ST6GALNAC5: variants seen among roughly 807,000 people sequenced by gnomAD.
The protein encoded by ST6GALNAC5 is alpha-N-acetylgalactosaminide alpha-2,6-sialyltransferase 5.
A neutral mutation model predicts 33.6 loss-of-function variants in ST6GALNAC5; 27 were observed. That is an observed-to-expected ratio of 0.80 (90% CI 0.59 to 1.11). The LOEUF is 1.11. ST6GALNAC5 is among the 50% of genes least tolerant of loss of function. The pLI, the probability that ST6GALNAC5 is intolerant of heterozygous loss-of-function variation, is 0.00. For missense variants in ST6GALNAC5, 428 were observed against 454.0 expected (o/e 0.94, Z 0.52); for synonymous variants, 194 against 171.2 (o/e 1.13, Z -1.04).
At chr1:76,928,424 C>A (rs528982748) in intron 2 of ST6GALNAC5, among the ~76,000 whole-genome samples, 96 of 152,094 alleles carry the variant, frequency 6.3e-4, no homozygotes, top group Non-Finnish European at 9.1e-4. Context: ...TCAGCTGTGT[C>A]ACAAGTCCTT....
intron 4 of ST6GALNAC5, 35 bp downstream of exon 4, chr1:77,050,400 G>T: frequency 6.3e-7 from 1 of 1,578,252 alleles, no homozygotes; most frequent in Non-Finnish European, 8.7e-7. Flanking sequence ...ATCATCAGCC[G>T]TGTTGTGCAG....
chr1:76,973,904 G>C (rs1648872231), intron 2 of ST6GALNAC5, among the ~76,000 whole-genome samples: 1 of 102,142 alleles, frequency 9.8e-6, no homozygotes, highest in Admixed American at 1.0e-4. Context: ...TTTATGTTCT[G>C]TTTGGATTAT....
At chr1:77,058,160 T>C (rs1652461184) in intron 4 of ST6GALNAC5, among the ~76,000 whole-genome samples, 1 of 152,192 alleles carries the variant, frequency 6.6e-6, no homozygotes, top group Non-Finnish European at 1.5e-5. Flanking sequence ...CTCTTAAGAG[T>C]ACAGAGTCAA....
At chr1:76,909,251 T>C (rs932882969) in intron 2 of ST6GALNAC5, among the ~76,000 whole-genome samples, 1 of 152,142 alleles carries the variant, frequency 6.6e-6, no homozygotes, top group African/African-American at 2.4e-5. Flanking sequence ...TAAATGTTTA[T>C]ATAAATGCTT....
chr1:76,876,707 C>A (rs1348210538), intron 2 of ST6GALNAC5, among the ~76,000 whole-genome samples: 1 of 152,198 alleles, frequency 6.6e-6, no homozygotes, highest in Non-Finnish European at 1.5e-5. Flanking sequence ...CAAAGTTCTG[C>A]CCACTGCGAA....
At chr1:76,913,932 A>G (rs1233202941) in intron 2 of ST6GALNAC5, among the ~76,000 whole-genome samples, 1 of 152,200 alleles carries the variant, frequency 6.6e-6, no homozygotes, top group Non-Finnish European at 1.5e-5. Flanking sequence ...ATGATTGTAT[A>G]TTTAGAAAAC....
In ST6GALNAC5 at chr1:76,966,280, G is replaced by A. The variant is rs1011494037; in HGVS notation, c.262-77924G>A. Among the ~76,000 whole-genome samples, 12 of 151,958 alleles carry A rather than the reference G, an allele frequency of 7.9e-5. No individual in the cohort carries two copies. In the East Asian group the frequency reaches 1.4e-3, roughly 17 times the overall value. On this transcript the variant is annotated intron_variant, in intron 2 of 4. Transcript: ENST00000477717. ...GTTTGTGTCCTCTTTTATTTCGTTG[G>A]GAAGTGGTTTGTAGTTCTCCTTGAA...
chr1:76,988,376 C>T (rs1649593417), intron 2 of ST6GALNAC5, among the ~76,000 whole-genome samples: 1 of 151,892 alleles, frequency 6.6e-6, no homozygotes, highest in Non-Finnish European at 1.5e-5. Context: ...TTTGTTTTCT[C>T]TGTGAAGTTA....
chr1:76,980,961 A>T (rs972833872), intron 2 of ST6GALNAC5, among the ~76,000 whole-genome samples: 13 of 152,228 alleles, frequency 8.5e-5, no homozygotes, highest in African/African-American at 3.1e-4. Flanking sequence ...AATTTTAACA[A>T]GTCATATATG....
intron 2 of ST6GALNAC5, among the ~76,000 whole-genome samples, chr1:77,021,872 G>T (rs1009624688): frequency 6.6e-6 from 1 of 152,120 alleles, no homozygotes; most frequent in African/African-American, 2.4e-5. Flanking sequence ...AATTTACAAG[G>T]TTGCACCTCA....
At chr1:76,972,383 A>T (rs1648796466) in intron 2 of ST6GALNAC5, among the ~76,000 whole-genome samples, 1 of 152,112 alleles carries the variant, frequency 6.6e-6, no homozygotes, top group Non-Finnish European at 1.5e-5. Context: ...TTGTGTGGGG[A>T]CACAGCCAAA....
chr1:76,970,710 C>T (rs1039822184), intron 2 of ST6GALNAC5, among the ~76,000 whole-genome samples: 1 of 152,092 alleles, frequency 6.6e-6, no homozygotes, highest in African/African-American at 2.4e-5. Flanking sequence ...CAGAGAACAC[C>T]ACAAAGATAC....
chr1:76,943,110 G>T (rs1404056382), intron 2 of ST6GALNAC5, among the ~76,000 whole-genome samples: 1 of 152,058 alleles, frequency 6.6e-6, no homozygotes, highest in Non-Finnish European at 1.5e-5. Context: ...GTTAATGTTT[G>T]CTGAGATGTA....
At chr1:77,044,706 T>G (rs1321096863) in intron 3 of ST6GALNAC5, 93 bp downstream of exon 3, 1 of 1,441,624 alleles carries the variant, frequency 6.9e-7, no homozygotes, top group African/African-American at 1.4e-5. Flanking sequence ...TACAGGCTTT[T>G]GTTGTGGGCT....
intron 4 of ST6GALNAC5, among the ~76,000 whole-genome samples, chr1:77,053,834 G>A (rs1466294175): frequency 6.6e-6 from 1 of 152,060 alleles, no homozygotes; most frequent in Non-Finnish European, 1.5e-5. Flanking sequence ...CTGGCATTAT[G>A]TGGCCTCCAG....
At chr1:77,029,278 C>G (rs1398967933) in intron 2 of ST6GALNAC5, among the ~76,000 whole-genome samples, 1 of 152,208 alleles carries the variant, frequency 6.6e-6, no homozygotes, top group Non-Finnish European at 1.5e-5. Flanking sequence ...CCTGCTGTCA[C>G]AAAGGGATCC....
At position 76,874,309 on chromosome 1, in the gene ST6GALNAC5, A is replaced by C. The variant is rs1440462102; in HGVS notation, c.261+5567A>C. Among the ~76,000 whole-genome samples, 5 of 152,332 alleles carry C rather than the reference A, an allele frequency of 3.3e-5. No individual in the cohort carries two copies. The South Asian group carries it at 8.3e-4, about 25-fold the overall frequency. ...CTCGGCATGACATAGGGTCTTCTGC[A>C]CTTGTTAAGTTAAACCTTCTTGAAT... On this transcript the variant is annotated intron_variant, in intron 2 of 4. Coordinates refer to ENST00000477717, the MANE Select transcript of ST6GALNAC5 (RefSeq NM_030965.3).
intron 2 of ST6GALNAC5, among the ~76,000 whole-genome samples, chr1:77,026,774 C>T (rs554948907): frequency 2.4e-4 from 37 of 151,738 alleles, no homozygotes; most frequent in Non-Finnish European, 7.4e-5. Flanking sequence ...AGATAGTGGA[C>T]CACTAAAGAA....
chr1:76,976,182 G>A lies in ST6GALNAC5; in HGVS notation c.262-68022G>A, dbSNP rs189975164. On this transcript the variant is annotated intron_variant, in intron 2 of 4. Coordinates refer to ENST00000477717, the MANE Select transcript of ST6GALNAC5 (RefSeq NM_030965.3). ...ATTGGGCAAATGAGGGACTTCCAGG[G>A]TGCTGATATGTTTAAATTCTTGACC... 4.6e-5 allele frequency among the ~76,000 whole-genome samples: 7 copies of A among 152,214 alleles called. No individual in the cohort carries two copies. In the East Asian group the frequency reaches 1.3e-3, roughly 29 times the overall value.
Sources: allele counts gnomAD v4.1 joint callset (sites outside exome capture counted in the v4.1 genomes callset), GRCh38; gene constraint gnomAD v4.1.1; transcripts MANE v1.5; gene names NCBI Gene and HGNC (gene_info 2026-07-23, HGNC 2026-07-21).